Variants in DPP6 observed in about 807,000 individuals in gnomAD.
DPP6 encodes the protein A-type potassium channel modulatory protein DPP6.
Under a neutral mutation model 122.6 loss-of-function variants are expected in DPP6, and 69 were observed. That is an observed-to-expected ratio of 0.56 (90% CI 0.46 to 0.69). DPP6 has a LOEUF of 0.69. Ranked by LOEUF, DPP6 falls within the 30% of genes least tolerant of loss-of-function variation. DPP6 has a pLI of 0.00. For synonymous variants in DPP6, 418 were observed against 433.1 expected, an observed-to-expected ratio of 0.97 and a Z score of 0.43; for missense variants, 928 against 1,116.9, an observed-to-expected ratio of 0.83 and a Z score of 2.41.
intron 1 of DPP6, among the ~76,000 whole-genome samples, chr7:154,237,995 G>A (rs1190109504): frequency 6.6e-6 from 1 of 152,144 alleles, no homozygotes; most frequent in Non-Finnish European, 1.5e-5. Flanking sequence ...AGGATCCCAG[G>A]GACGTGCTGG....
intron 1 of DPP6, among the ~76,000 whole-genome samples, chr7:154,287,934 G>A (rs1226897367): frequency 6.6e-6 from 1 of 152,214 alleles, no homozygotes; most frequent in Non-Finnish European, 1.5e-5. Flanking sequence ...TGGAAGATTT[G>A]ACCATCACTG....
rs1247493283 is a variant in DPP6, at chr7:154,373,808, T to G, written c.244-72406T>G. 2.0e-5 allele frequency among the ~76,000 whole-genome samples: 3 copies of G among 152,254 alleles called. No individual in the cohort carries two copies. In the East Asian group the frequency reaches 5.8e-4, roughly 30 times the overall value. On this transcript the variant is annotated intron_variant, in intron 1 of 25. Coordinates refer to ENST00000377770, the MANE Select transcript of DPP6 (RefSeq NM_130797.4). ...CCCCATTCCCTCCTCCCGCAGCCCC[T>G]GGCACCCACCATTCAACTTTCTGTC...
chr7:153,757,193 T>C, the DPP6 span, among the ~76,000 whole-genome samples: 3 of 152,352 alleles, frequency 2.0e-5, no homozygotes, highest in Non-Finnish European at 2.9e-5. Flanking sequence ...AAGTTTGTAT[T>C]ATTTTCCTAT....
the DPP6 span, among the ~76,000 whole-genome samples, chr7:153,798,089 G>A: frequency 0.033 from 4,998 of 151,944 alleles, 101 homozygotes; most frequent in African/African-American, 0.057. Flanking sequence ...TGATCCGCCC[G>A]CCTCGGCCTC....
intron 1 of DPP6, among the ~76,000 whole-genome samples, chr7:154,145,592 G>C (rs1353631348): frequency 6.2e-5 from 9 of 144,944 alleles, no homozygotes; most frequent in Non-Finnish European, 1.2e-4. Context: ...GAATGTGTCA[G>C]TGTTTACATC....
intron 8 of DPP6, among the ~76,000 whole-genome samples, chr7:154,733,707 A>G (rs1842446140): frequency 6.6e-6 from 1 of 152,194 alleles, no homozygotes; most frequent in African/African-American, 2.4e-5. Flanking sequence ...TTCATGGAAG[A>G]AAACACATTA....
At chr7:153,857,163 A>G in the DPP6 span, among the ~76,000 whole-genome samples, 1 of 152,310 alleles carries the variant, frequency 6.6e-6, no homozygotes, top group Non-Finnish European at 1.5e-5. Context: ...TCACAAGGCC[A>G]CATTTTTAGG....
chr7:154,705,165 A>G (rs965852197), intron 7 of DPP6, among the ~76,000 whole-genome samples: 2 of 152,226 alleles, frequency 1.3e-5, no homozygotes, highest in Non-Finnish European at 2.9e-5. Flanking sequence ...TTGTAACTGT[A>G]GCCAAAGAAG....
intron 1 of DPP6, among the ~76,000 whole-genome samples, chr7:153,967,306 A>G (rs562727917): frequency 1.2e-3 from 185 of 152,232 alleles, no homozygotes; most frequent in African/African-American, 3.8e-3. Flanking sequence ...TAAGCTCAGC[A>G]CGATATGTGA....
At chr7:153,975,329 G>A (rs1796241241) in intron 1 of DPP6, among the ~76,000 whole-genome samples, 1 of 151,174 alleles carries the variant, frequency 6.6e-6, no homozygotes, top group Non-Finnish European at 1.5e-5. Flanking sequence ...GTTAGAAACA[G>A]GACCCCCCAC....
At chr7:154,744,584 A>G (rs1842956104) in intron 8 of DPP6, among the ~76,000 whole-genome samples, 1 of 152,258 alleles carries the variant, frequency 6.6e-6, no homozygotes, top group South Asian at 2.1e-4. Flanking sequence ...CTTGCAAGGT[A>G]AAAGCTCCAT....
the DPP6 span, among the ~76,000 whole-genome samples, chr7:153,832,223 A>T: frequency 6.6e-6 from 1 of 152,238 alleles, no homozygotes; most frequent in African/African-American, 2.4e-5. Flanking sequence ...ATTTCAGCTT[A>T]ATTATATTAC....
intron 1 of DPP6, among the ~76,000 whole-genome samples, chr7:154,357,623 T>C (rs1227455668): frequency 6.6e-6 from 1 of 152,158 alleles, no homozygotes; most frequent in Non-Finnish European, 1.5e-5. Context: ...GTGGGAGGTA[T>C]TGGAGTCACC....
At chr7:153,984,742 C>G (rs2531094) in intron 1 of DPP6, among the ~76,000 whole-genome samples, 1 of 152,150 alleles carries the variant, frequency 6.6e-6, no homozygotes, top group African/African-American at 2.4e-5. Context: ...TCAATTTAAT[C>G]TTTAAAATTC....
intron 12 of DPP6, among the ~76,000 whole-genome samples, chr7:154,797,617 T>A (rs1159956801): frequency 6.6e-6 from 1 of 152,138 alleles, no homozygotes; most frequent in African/African-American, 2.4e-5. Context: ...AGAAAGCTGA[T>A]CAGTGGTGTC....
At chr7:154,354,915 T>C (rs867131089) in intron 1 of DPP6, among the ~76,000 whole-genome samples, 4 of 152,248 alleles carry the variant, frequency 2.6e-5, no homozygotes, top group African/African-American at 2.4e-5. Flanking sequence ...CAGCTTTGGT[T>C]GATTCTGCCA....
At chr7:154,535,201 A>T (rs950152257) in intron 3 of DPP6, among the ~76,000 whole-genome samples, 5 of 152,184 alleles carry the variant, frequency 3.3e-5, no homozygotes. Flanking sequence ...CTTGTTACAT[A>T]TACTGTCTAA....
intron 1 of DPP6, among the ~76,000 whole-genome samples, chr7:154,136,808 A>G (rs1795579811): frequency 6.6e-6 from 1 of 152,254 alleles, no homozygotes; most frequent in South Asian, 2.1e-4. Context: ...GAAAACATTA[A>G]TCTACAAACA....
intron 3 of DPP6, among the ~76,000 whole-genome samples, chr7:154,482,113 G>A (rs1284550534): frequency 6.6e-6 from 1 of 152,240 alleles, no homozygotes; most frequent in Non-Finnish European, 1.5e-5. Context: ...CTGAAGGTGA[G>A]GATCATGCAG....
Sources: allele counts gnomAD v4.1 joint callset (sites outside exome capture counted in the v4.1 genomes callset), GRCh38; gene constraint gnomAD v4.1.1; transcripts MANE v1.5; gene names NCBI Gene and HGNC (gene_info 2026-07-23, HGNC 2026-07-21).